Variants in PARD3 observed in about 807,000 individuals in gnomAD.
The protein encoded by PARD3 is partitioning defective 3 homolog.
A neutral mutation model predicts 155.4 loss-of-function variants in PARD3; 75 were observed. The observed-to-expected ratio is 0.48, with a 90% CI of 0.40 to 0.58. The LOEUF is 0.58. Ranked by LOEUF, PARD3 falls within the 20% of genes least tolerant of loss-of-function variation. The pLI is 0.00. For missense variants in PARD3, 1,642 were observed against 1,721.7 expected, an observed-to-expected ratio of 0.95 and a Z score of 0.82; for synonymous variants, 576 against 610.5, an observed-to-expected ratio of 0.94 and a Z score of 0.83.
intron 2 of PARD3, among the ~76,000 whole-genome samples, chr10:34,545,179 T>C (rs776686975): frequency 6.6e-6 from 1 of 152,170 alleles, no homozygotes; most frequent in Non-Finnish European, 1.5e-5. Context: ...GACTCAACAA[T>C]AACCTACAAA....
intron 2 of PARD3, among the ~76,000 whole-genome samples, chr10:34,518,958 A>G (rs1313260481): frequency 6.6e-6 from 1 of 152,220 alleles, no homozygotes; most frequent in African/African-American, 2.4e-5. Flanking sequence ...AATATCAAGT[A>G]CCATCTGATA....
intron 3 of PARD3, among the ~76,000 whole-genome samples, chr10:34,506,364 T>A (rs1461320471): frequency 2.0e-5 from 3 of 152,126 alleles, no homozygotes; most frequent in Non-Finnish European, 4.4e-5. Flanking sequence ...AATTTCCAAA[T>A]GGTAAACATC....
intron 2 of PARD3, among the ~76,000 whole-genome samples, chr10:34,577,225 T>C (rs547632320): frequency 6.6e-6 from 1 of 152,318 alleles, no homozygotes; most frequent in African/African-American, 2.4e-5. Flanking sequence ...AGCCTACATA[T>C]GAAGTTCCCT....
At chr10:34,457,405 G>C (rs1193029694) in intron 4 of PARD3, among the ~76,000 whole-genome samples, 1 of 152,162 alleles carries the variant, frequency 6.6e-6, no homozygotes, top group Non-Finnish European at 1.5e-5. Flanking sequence ...AGAGAAGGAA[G>C]CCATGAAAAA....
At chr10:34,698,233 C>T (rs2094209797) in intron 1 of PARD3, among the ~76,000 whole-genome samples, 1 of 152,188 alleles carries the variant, frequency 6.6e-6, no homozygotes, top group African/African-American at 2.4e-5. Flanking sequence ...TCATTATCTG[C>T]AGCCTTTATA....
intron 2 of PARD3, among the ~76,000 whole-genome samples, chr10:34,624,178 T>C (rs1251792660): frequency 1.3e-5 from 2 of 152,242 alleles, no homozygotes; most frequent in African/African-American, 4.8e-5. Context: ...CATGACTGCA[T>C]GCGTCTCCCA....
chr10:34,510,971 G>A lies in PARD3; in HGVS notation c.403+6008C>T, dbSNP rs79293922. ...CATCAGCATACAAATGTCATTCTTT[G>A]TATTAAGCCTCATTTAAATCAGGAT... On this transcript the variant is annotated intron_variant, in intron 3 of 24. Coordinates refer to ENST00000374788, the MANE Select transcript of PARD3 (RefSeq NM_001184785.2). 4.3e-3 allele frequency among the ~76,000 whole-genome samples: 656 copies of A among 152,224 alleles called. 3 individuals are homozygous for A. The highest frequency in any genetic ancestry group is 0.027 in the Middle Eastern group (8 of 292).
intron 3 of PARD3, among the ~76,000 whole-genome samples, chr10:34,483,109 T>A (rs1021912831): frequency 6.6e-6 from 1 of 151,898 alleles, no homozygotes; most frequent in Admixed American, 6.6e-5. Context: ...TGAGCCAAGA[T>A]CGCACCACTG....
Position 34,269,725 on chromosome 10 carries a change from C to A in PARD3, c.3351G>T (p.Gly1117=), listed in dbSNP as rs150732889. 2.5e-6 allele frequency: 4 copies of A among 1,613,924 alleles called. No individual in the cohort carries two copies. The highest frequency in any genetic ancestry group is 3.4e-6 in the Non-Finnish European group (4 of 1,179,976). ...LNARPQSPRE[G]HMMDALYAQV... ...GGGCATACAAAGCATCCATCATATG[C>A]CCTTCTCGTGGGCTCTGAGGTCTAG... Residue 1117 remains glycine (G), a synonymous_variant, in exon 22 of 25, where the codon GGG becomes GGT. Coordinates refer to ENST00000374788, the MANE Select transcript of PARD3 (RefSeq NM_001184785.2).
chr10:34,372,503 C>T lies in PARD3; in HGVS notation c.1702G>A (p.Glu568Lys). The T allele has an allele frequency of 6.2e-7, 1 of 1,610,152 alleles. No homozygotes were observed. The highest frequency in any genetic ancestry group is 1.3e-5 in the African/African-American group (1 of 74,940). The change falls in exon 12 of 25, where the codon GAA (glutamate) becomes AAA (lysine). Residue 568 changes from glutamate (E) to lysine (K), a missense_variant. Transcript: ENST00000374788. ...TCAAAAGACAAAGCTCTTACCGTTT[C>T]TTTTGGAATCTGCATCTGGCTTGGC... ...AEPSQMQIPK[E>K]TKAEDEDIVL... is the part of the protein sequence containing the mutation.
At chr10:34,290,475 T>C (rs1956625733) in intron 20 of PARD3, among the ~76,000 whole-genome samples, 1 of 152,212 alleles carries the variant, frequency 6.6e-6, no homozygotes, top group Admixed American at 6.5e-5. Flanking sequence ...AAGAAATTTG[T>C]AGGTTATGTG....
intron 10 of PARD3, 33 bp from the exon 11 acceptor site, chr10:34,375,035 C>T (rs1452838225): frequency 6.6e-7 from 1 of 1,505,904 alleles, no homozygotes; most frequent in Admixed American, 1.7e-5. Flanking sequence ...AGCTGTAATC[C>T]TGTGGAAACA....
chr10:34,270,677 G>A (rs1157390229), intron 21 of PARD3, among the ~76,000 whole-genome samples: 1 of 151,780 alleles, frequency 6.6e-6, no homozygotes, highest in Non-Finnish European at 1.5e-5. Context: ...GCTTAAACAC[G>A]AATCCACACC....
intron 2 of PARD3, among the ~76,000 whole-genome samples, chr10:34,538,310 C>A (rs1259979944): frequency 2.0e-5 from 3 of 152,188 alleles, no homozygotes; most frequent in Non-Finnish European, 4.4e-5. Flanking sequence ...GCACCTAGCA[C>A]GTATGACCAC....
At chr10:34,610,403 T>C (rs1325572934) in intron 2 of PARD3, among the ~76,000 whole-genome samples, 2 of 152,180 alleles carry the variant, frequency 1.3e-5, no homozygotes, top group Admixed American at 1.3e-4. Context: ...AAAATGCCAG[T>C]ACTCATCAAG....
chr10:34,809,736 A>G (rs1403197393), intron 1 of PARD3, among the ~76,000 whole-genome samples: 1 of 152,226 alleles, frequency 6.6e-6, no homozygotes, highest in Non-Finnish European at 1.5e-5. Flanking sequence ...CCAGAGGACA[A>G]TGTGACTTGA....
chr10:34,659,075 G>GTAC (rs1349518846), intron 2 of PARD3, among the ~76,000 whole-genome samples: 1 of 152,142 alleles, frequency 6.6e-6, no homozygotes, highest in Non-Finnish European at 1.5e-5. Context: ...CGCACACACA[G>GTAC]TACTGGCTTG....
At chr10:34,138,385 T>C (rs1349379989) in intron 22 of PARD3, among the ~76,000 whole-genome samples, 1 of 152,208 alleles carries the variant, frequency 6.6e-6, no homozygotes, top group Non-Finnish European at 1.5e-5. Flanking sequence ...TCCCCGCTAC[T>C]GCACCCAAAA....
intron 7 of PARD3, among the ~76,000 whole-genome samples, chr10:34,396,850 T>TA (rs1491378159): frequency 6.6e-6 from 1 of 152,172 alleles, no homozygotes. Context: ...CAAGCCACCA[T>TA]GAAGTTGACA....
Sources: gnomAD v4.1 joint callset for allele counts (sites outside exome capture counted in the v4.1 genomes callset) on GRCh38, gnomAD v4.1.1 for gene constraint, MANE v1.5 for transcripts, NCBI Gene and HGNC (gene_info 2026-07-23, HGNC 2026-07-21) for gene names.